Variants in ARID1B observed in about 807,000 individuals in gnomAD.
ARID1B encodes AT-rich interaction domain 1B, also known as AT-rich interactive domain-containing protein 1B.
Under a neutral mutation model 212.3 loss-of-function variants are expected in ARID1B, and 30 were observed. That is an observed-to-expected ratio of 0.14 (90% CI 0.11 to 0.19). ARID1B has a LOEUF of 0.19. Among genes scored for constraint, ARID1B ranks in the 10% least tolerant of loss-of-function variants. The pLI is 1.00. For missense variants in ARID1B, 2,891 were observed against 3,204.0 expected (o/e 0.90, Z 2.36); for synonymous variants, 1,402 against 1,301.7 (o/e 1.08, Z -1.66).
chr6:156,832,982 CT>C (rs1246590953), intron 2 of ARID1B, among the ~76,000 whole-genome samples: 7 of 152,252 alleles, frequency 4.6e-5, no homozygotes, highest in African/African-American at 1.7e-4. Context: ...AAATACATGG[CT>C]AAACAGATTA....
At chr6:157,023,948 A>G (rs769403116) in intron 4 of ARID1B, 2 of 152,206 alleles carry the variant, frequency 1.3e-5, no homozygotes, top group Non-Finnish European at 2.9e-5. Flanking sequence ...ATCTCAGGTT[A>G]TTTATTCTTT....
chr6:157,011,492 A>G (rs1779606251), intron 4 of ARID1B, among the ~76,000 whole-genome samples: 1 of 152,196 alleles, frequency 6.6e-6, no homozygotes. Context: ...ATTTTCTGCT[A>G]TGGGAATTTT....
intron 8 of ARID1B, among the ~76,000 whole-genome samples, chr6:157,155,640 G>A (rs984886824): frequency 5.3e-5 from 8 of 152,168 alleles, no homozygotes; most frequent in Non-Finnish European, 1.0e-4. Flanking sequence ...GCTTTCAAAT[G>A]TTTTGTGTTG....
chr6:156,951,792 T>C (rs1341328391), intron 4 of ARID1B, among the ~76,000 whole-genome samples: 1 of 152,162 alleles, frequency 6.6e-6, no homozygotes, highest in East Asian at 1.9e-4. Flanking sequence ...TATTATATTG[T>C]AAAAGGAAAT....
intron 2 of ARID1B, among the ~76,000 whole-genome samples, chr6:156,848,175 T>C (rs1784349076): frequency 6.6e-6 from 1 of 152,222 alleles, no homozygotes; most frequent in Non-Finnish European, 1.5e-5. Context: ...GAAAATGAAG[T>C]TAGTCATTGT....
At chr6:156,892,027 A>G (rs1582886832) in intron 2 of ARID1B, among the ~76,000 whole-genome samples, 1 of 148,446 alleles carries the variant, frequency 6.7e-6, no homozygotes, top group African/African-American at 2.5e-5. Context: ...GTGCATCACC[A>G]CACCCAGCGA....
intron 4 of ARID1B, among the ~76,000 whole-genome samples, chr6:157,074,488 G>A (rs1784190683): frequency 6.6e-6 from 1 of 152,148 alleles, no homozygotes; most frequent in Admixed American, 6.5e-5. Context: ...GCCTCCCAAA[G>A]TGCTAGGATT....
At chr6:157,087,750 C>T (rs917383710) in intron 5 of ARID1B, among the ~76,000 whole-genome samples, 3 of 151,458 alleles carry the variant, frequency 2.0e-5, no homozygotes, top group Non-Finnish European at 4.4e-5. Context: ...ACTGCTAGAG[C>T]TAGCCATGAA....
intron 1 of ARID1B, among the ~76,000 whole-genome samples, chr6:156,791,469 C>CGGCAGTTAGGGGTCT: frequency 6.6e-6 from 1 of 152,362 alleles, no homozygotes; most frequent in African/African-American, 2.4e-5. Flanking sequence ...CAACCCCTTA[C>CGGCAGTTAGGGGTCT]GTGAGCTGTT....
intron 1 of ARID1B, among the ~76,000 whole-genome samples, chr6:156,793,136 G>C (rs1012061608): frequency 1.3e-5 from 2 of 152,112 alleles, no homozygotes; most frequent in African/African-American, 4.8e-5. Context: ...TAATACCGGG[G>C]TGGGGGCATG....
At chr6:156,965,214 A>G (rs947823940) in intron 4 of ARID1B, among the ~76,000 whole-genome samples, 2 of 152,208 alleles carry the variant, frequency 1.3e-5, no homozygotes, top group Non-Finnish European at 1.5e-5. Flanking sequence ...CTTCAAAGGA[A>G]TAACATAATT....
chr6:157,180,768 A>G (rs1198255924), intron 11 of ARID1B, among the ~76,000 whole-genome samples: 1 of 152,192 alleles, frequency 6.6e-6, no homozygotes, highest in Non-Finnish European at 1.5e-5. Context: ...CCTTTTATTT[A>G]AAGTAAAAGT....
intron 4 of ARID1B, chr6:156,941,077 T>G (rs535208578): frequency 6.6e-6 from 1 of 152,336 alleles, no homozygotes. Context: ...AAAAAAATTA[T>G]AAGTTAATGA....
At chr6:157,047,266 T>G (rs931370131) in intron 4 of ARID1B, among the ~76,000 whole-genome samples, 2 of 152,190 alleles carry the variant, frequency 1.3e-5, no homozygotes, top group Non-Finnish European at 2.9e-5. Flanking sequence ...GAGATGTTTG[T>G]GGAGCTTAAC....
intron 4 of ARID1B, among the ~76,000 whole-genome samples, chr6:156,999,722 T>C (rs2128424715): frequency 6.6e-6 from 1 of 152,316 alleles, no homozygotes; most frequent in Non-Finnish European, 1.5e-5. Flanking sequence ...CCTGCCTGCC[T>C]CTCAGTGCCA....
intron 2 of ARID1B, among the ~76,000 whole-genome samples, chr6:156,845,290 C>A (rs142241405): frequency 2.4e-4 from 37 of 152,342 alleles, no homozygotes; most frequent in African/African-American, 7.9e-4. Flanking sequence ...TACTTTATTA[C>A]CCTCCTGGCC....
intron 4 of ARID1B, among the ~76,000 whole-genome samples, chr6:156,946,225 C>T (rs994765995): frequency 2.7e-5 from 4 of 146,900 alleles, no homozygotes; most frequent in South Asian, 2.1e-4. Flanking sequence ...AAAAAATGTT[C>T]GCCGGGCATG....
intron 4 of ARID1B, among the ~76,000 whole-genome samples, chr6:157,080,366 T>TA (rs1285473847): frequency 1.3e-5 from 2 of 152,230 alleles, no homozygotes; most frequent in African/African-American, 2.4e-5. Context: ...TGAGCTAACT[T>TA]ACGCTAAATT....
chr6:157,180,359 T>C (rs1184584806), intron 11 of ARID1B, among the ~76,000 whole-genome samples: 1 of 150,610 alleles, frequency 6.6e-6, no homozygotes, highest in Non-Finnish European at 1.5e-5. Flanking sequence ...GGTTGACCCT[T>C]AGTTTATCTA....
Sources: gnomAD v4.1 joint callset for allele counts (sites outside exome capture counted in the v4.1 genomes callset) on GRCh38, gnomAD v4.1.1 for gene constraint, MANE v1.5 for transcripts, NCBI Gene and HGNC (gene_info 2026-07-23, HGNC 2026-07-21) for gene names.